The following CCT7 variants were observed in gnomAD, a reference collection of about 807,000 sequenced individuals.
The protein encoded by CCT7 is chaperonin containing TCP1 subunit 7, also known as T-complex protein 1 subunit eta.
Under a neutral mutation model 56.6 loss-of-function variants are expected in CCT7, and 16 were observed. The ratio of observed to expected loss-of-function variants is 0.28; its 90% CI spans 0.19 to 0.43. CCT7 has a LOEUF of 0.43. Ranked by LOEUF, CCT7 falls within the 20% of genes least tolerant of loss-of-function variation. The pLI is 1.00. For missense variants in CCT7, 519 were observed against 685.6 expected (o/e 0.76, Z 2.71); for synonymous variants, 262 against 254.8 (o/e 1.03, Z -0.27).
At chr2:73,243,164 G>T in intron 4 of CCT7, 35 bp downstream of exon 4, 1 of 1,602,120 alleles carries the variant, frequency 6.2e-7, no homozygotes, top group South Asian at 1.1e-5. Flanking sequence ...TCTTGGGCCT[G>T]GACACCTTCA....
intron 7 of CCT7, 86 bp downstream of exon 7, chr2:73,248,012 C>T (rs745580382): frequency 1.4e-4 from 160 of 1,129,196 alleles, no homozygotes; most frequent in Non-Finnish European, 2.0e-4. Flanking sequence ...ATTGTGGGCC[C>T]CTTTCTCTTC....
At position 73,244,703 on chromosome 2, in the gene CCT7, T is replaced by G. The variant is rs1246783073; in HGVS notation, c.606T>G (p.Gly202=). 6.2e-7 allele frequency: 1 copy of G among 1,611,798 alleles called. No homozygotes were observed. The highest frequency in any genetic ancestry group is 1.7e-5 in the Admixed American group (1 of 59,864). ...LKMIGIKKVQ[G]GALEDSQLVA... is the part of the protein sequence containing the mutation. ...TGATTGGAATCAAGAAGGTACAGGG[T>G]GGAGCCCTCGAGGTAAGCCTGCTGT... Residue 202 remains glycine (G), a synonymous_variant, in exon 6 of 12, where the codon GGT becomes GGG. Coordinates refer to ENST00000258091, the MANE Select transcript of CCT7 (RefSeq NM_006429.4).
chr2:73,244,655 C>G lies in CCT7; in HGVS notation c.558C>G (p.Leu186=). The change falls in exon 6 of 12, where the codon CTC becomes CTG. Residue 186 remains leucine (L), a synonymous_variant. Coordinates refer to ENST00000258091, the MANE Select transcript of CCT7 (RefSeq NM_006429.4). ...TGGTGGTGGATGCAGTGATGATGCTCGATGATTTGCTGCAGCTTAAAATGA... is the reference window on the plus strand; with the variant it reads ...TGGTGGTGGATGCAGTGATGATGCTGGATGATTTGCTGCAGCTTAAAATGA... ...AKMVVDAVMM[L]DDLLQLKMIG... 7 of 1,613,588 alleles carry G rather than the reference C, an allele frequency of 4.3e-6. No individual in the cohort carries two copies. Among genetic ancestry groups the G allele is most frequent in the South Asian group, 1.1e-5 (1 of 91,016 alleles).
In CCT7 at chr2:73,252,843, T is replaced by A. The variant is rs1248298533; in HGVS notation, c.1614T>A (p.Gly538=). Residue 538 remains glycine, a synonymous_variant, in exon 12 of 12, where the codon GGT becomes GGA. Transcript: ENST00000258091. ...CCACAGCAGCAGGCCGGGGCCGTGG[T>A]CGTGGCCGCCCCCACTGAGAGGCAC... is the stretch of plus-strand genomic sequence containing the variant. The part of the protein sequence containing the change: ...DAPTAAGRGR[G]RGRPH 6.2e-7 allele frequency: 1 copy of A among 1,613,442 alleles called. No homozygotes were observed. The highest frequency in any genetic ancestry group is 8.5e-7 in the Non-Finnish European group (1 of 1,179,812).
At position 73,243,122 on chromosome 2, in the gene CCT7, C is replaced by T. The variant is rs377263865; in HGVS notation, c.386C>T (p.Thr129Ile). The T allele has an allele frequency of 8.1e-6, 13 of 1,613,856 alleles. No individual in the cohort carries two copies. In the African/African-American group the frequency reaches 1.5e-4, roughly 18 times the overall value. ...QIIIRAFRTA[T>I]QLAVNKIKEI... ...ATCATTCGAGCTTTCCGCACAGCCA[C>T]CCAGCTGGTATGGCAGTACTGATTA... The change falls in exon 4 of 12, where the codon ACC becomes ATC. Residue 129 changes from threonine (T) to isoleucine (I), a missense_variant. Thr to Ile is a moderately conservative substitution (Grantham distance 89). This residue lies in a region of CCT7 where 276 missense variants were observed against 357.3 expected (regional missense o/e 0.77). Transcript: ENST00000258091.
At chr2:73,250,213 C>T in intron 9 of CCT7, 93 bp from the exon 10 acceptor site, 1 of 1,467,478 alleles carries the variant, frequency 6.8e-7, no homozygotes, top group Non-Finnish European at 9.4e-7. Flanking sequence ...GTAAGAGCAG[C>T]TGCTGAGTGT....
chr2:73,246,959 C>T (rs1157709113), intron 6 of CCT7, among the ~76,000 whole-genome samples: 3 of 152,078 alleles, frequency 2.0e-5, no homozygotes, highest in African/African-American at 7.2e-5. Flanking sequence ...ACTGAATACC[C>T]TTTTTTATGG....
Position 73,252,745 on chromosome 2 carries a change from G to A in CCT7, c.1516G>A (p.Ala506Thr), listed in dbSNP as rs1252240240. 1 of 1,614,170 alleles carries A rather than the reference G, an allele frequency of 6.2e-7. No individual in the cohort carries two copies. Among genetic ancestry groups the A allele is most frequent in the Non-Finnish European group, 8.5e-7 (1 of 1,180,034 alleles). Reference protein sequence around the residue: ...AMVRINALTAASEAACLIVSV... With the variant: ...AMVRINALTATSEAACLIVSV... The stretch of plus-strand genomic sequence containing the variant: ...GGTGCGGATCAATGCGCTGACAGCA[G>A]CCTCTGAGGCTGCGTGCCTGATCGT... Residue 506 changes from alanine (A) to threonine (T), a missense_variant, in exon 12 of 12, where the codon GCC (alanine) becomes ACC (threonine). Physicochemically the swap from Ala to Thr is moderately conservative, Grantham distance 58. Transcript: ENST00000258091.
At chr2:73,250,280 T>C (rs906993447) in intron 9 of CCT7, 26 bp from the exon 10 acceptor site, 2 of 1,613,858 alleles carry the variant, frequency 1.2e-6, no homozygotes, top group Non-Finnish European at 1.7e-6. Context: ...AGAGTTCATG[T>C]GTGTACTGTT....
rs375497249 is a variant in CCT7, at chr2:73,252,795, C to T, written c.1566C>T (p.Asn522=). Residue 522 remains asparagine, a synonymous_variant, in exon 12 of 12, where the codon AAC becomes AAT. Transcript: ENST00000258091. ...TGTCTGTAGATGAAACCATCAAGAACCCCCGCTCGACTGTGGATGCTCCCA... is the reference window on the plus strand; with the variant it reads ...TGTCTGTAGATGAAACCATCAAGAATCCCCGCTCGACTGTGGATGCTCCCA... The part of the protein sequence containing the change: ...LIVSVDETIK[N]PRSTVDAPTA... 6.8e-6 allele frequency: 11 copies of T among 1,614,098 alleles called. No individual in the cohort carries two copies. Among genetic ancestry groups the T allele is most frequent in the East Asian group, 6.7e-5 (3 of 44,858 alleles).
At chr2:73,235,879 T>C (rs1250428110) in intron 1 of CCT7, among the ~76,000 whole-genome samples, 2 of 152,206 alleles carry the variant, frequency 1.3e-5, no homozygotes, top group African/African-American at 4.8e-5. Flanking sequence ...AGAACCGCCA[T>C]TCTCTGCCGT....
In CCT7 at chr2:73,252,650, G is replaced by T; in HGVS notation, c.1421G>T (p.Trp474Leu). 6.2e-7 allele frequency: 1 copy of T among 1,613,428 alleles called. No individual in the cohort carries two copies. Among genetic ancestry groups the T allele is most frequent in the Non-Finnish European group, 8.5e-7 (1 of 1,179,358 alleles). The stretch of plus-strand genomic sequence containing the variant: ...TTCCTACTCTTTTAGGGGGGTACAT[G>T]GTATGGAGTAGACATCAACAACGAG... Reference protein sequence around the residue: ...LRARHAQGGTWYGVDINNEDI... With the variant: ...LRARHAQGGTLYGVDINNEDI... The change falls in exon 12 of 12, where the codon TGG becomes TTG. Residue 474 changes from tryptophan to leucine, a missense_variant. Transcript: ENST00000258091.
rs200159565 is a variant in CCT7, at chr2:73,244,007, A to G, written c.404A>G (p.Lys135Arg). Residue 135 changes from lysine to arginine, a missense_variant, in exon 5 of 12, where the codon AAG (lysine) becomes AGG (arginine). This residue lies in a region of CCT7 where 276 missense variants were observed against 357.3 expected (regional missense o/e 0.77). Coordinates refer to ENST00000258091, the MANE Select transcript of CCT7 (RefSeq NM_006429.4). The stretch of plus-strand genomic sequence containing the variant: ...TTCTGTTCTTGGCAGGCAGTTAACA[A>G]GATCAAAGAGATTGCTGTGACCGTG... ...FRTATQLAVN[K>R]IKEIAVTVKK... is the part of the protein sequence containing the mutation. 4 of 1,613,744 alleles carry G rather than the reference A, an allele frequency of 2.5e-6. No individual in the cohort carries two copies. Among genetic ancestry groups the G allele is most frequent in the South Asian group, 2.2e-5 (2 of 91,050 alleles).
At chr2:73,250,029 A>T in intron 9 of CCT7, 113 bp downstream of exon 9, 1 of 811,608 alleles carries the variant, frequency 1.2e-6, no homozygotes, top group African/African-American at 1.7e-5. Context: ...ACAAAGTGGT[A>T]TACAGCTTTT....
intron 10 of CCT7, 48 bp downstream of exon 10, chr2:73,250,486 T>G: frequency 6.2e-7 from 1 of 1,604,416 alleles, no homozygotes; most frequent in Non-Finnish European, 8.5e-7. Context: ...CTCTCCTATC[T>G]CCCTAGCTGA....
intron 7 of CCT7, among the ~76,000 whole-genome samples, chr2:73,248,420 G>A (rs911348571): frequency 6.6e-6 from 1 of 151,728 alleles, no homozygotes; most frequent in African/African-American, 2.4e-5. Context: ...GTGCAATCTC[G>A]GCTCACTGTA....
chr2:73,249,720 C>T (rs531640519), intron 8 of CCT7, 99 bp from the exon 9 acceptor site: 129 of 804,102 alleles, frequency 1.6e-4, no homozygotes, highest in East Asian at 2.9e-4. Context: ...TGTAGAGGCT[C>T]TGGGGGCATG....
intron 6 of CCT7, among the ~76,000 whole-genome samples, chr2:73,245,219 AT>A (rs1687281287): frequency 1.3e-5 from 2 of 152,246 alleles, no homozygotes; most frequent in Non-Finnish European, 2.9e-5. Context: ...TCCTTGCAGA[AT>A]TACTTTGTGC....
chr2:73,244,755 A>G (rs1234093189), intron 6 of CCT7, 40 bp downstream of exon 6: 2 of 1,535,904 alleles, frequency 1.3e-6, no homozygotes, highest in Non-Finnish European at 1.8e-6. Flanking sequence ...TCTTGCTTTC[A>G]TATTGACCCT....
Sources: gnomAD v4.1 joint callset for allele counts (sites outside exome capture counted in the v4.1 genomes callset) on GRCh38, gnomAD v4.1.1 for gene constraint, gnomAD v4.1.1 regional missense constraint, MANE v1.5 for transcripts, NCBI Gene and HGNC (gene_info 2026-07-23, HGNC 2026-07-21) for gene names.